AEBP2: variants seen among roughly 807,000 people sequenced by gnomAD.
AEBP2 encodes AE binding protein 2, also known as zinc finger protein AEBP2.
Under a neutral mutation model 50.8 loss-of-function variants are expected in AEBP2, and 10 were observed. The ratio of observed to expected loss-of-function variants is 0.20; its 90% confidence interval spans 0.12 to 0.33. The LOEUF (loss-of-function observed/expected upper bound fraction) is 0.33, where lower values mean the gene tolerates loss of function less well. Ranked by LOEUF, AEBP2 falls within the 10% of genes least tolerant of loss-of-function variation. AEBP2 has a pLI of 1.00. For synonymous variants in AEBP2, 296 were observed against 261.3 expected, an observed-to-expected ratio of 1.13 and a Z score of -1.28; for missense variants, 570 against 688.0, an observed-to-expected ratio of 0.83 and a Z score of 1.92.
At chr12:19,446,576 A>G (rs1292765050) in intron 1 of AEBP2, among the ~76,000 whole-genome samples, 1 of 152,010 alleles carries the variant, frequency 6.6e-6, no homozygotes, top group East Asian at 1.9e-4. Context: ...AAAAATACAG[A>G]AAAAAATTAG....
At chr12:19,515,858 G>A (rs980656076) in intron 7 of AEBP2, among the ~76,000 whole-genome samples, 1 of 152,088 alleles carries the variant, frequency 6.6e-6, no homozygotes, top group African/African-American at 2.4e-5. Flanking sequence ...ACAGCATTTT[G>A]GGAGGCTGAG....
upstream of AEBP2, among the ~76,000 whole-genome samples, chr12:19,437,041 T>C (rs1462166812): frequency 6.6e-6 from 1 of 152,166 alleles, no homozygotes; most frequent in Non-Finnish European, 1.5e-5. Flanking sequence ...CCCCACAAAG[T>C]AAGCCATGAA....
intron 5 of AEBP2, among the ~76,000 whole-genome samples, chr12:19,502,583 CAGTT>C (rs1254558705): frequency 6.6e-6 from 1 of 151,414 alleles, no homozygotes; most frequent in Admixed American, 6.6e-5. Context: ...TTTTGAAGAT[CAGTT>C]GGTTGTAGGT....
At position 19,520,012 on chromosome 12, in the gene AEBP2, G is replaced by T. The variant is rs1299630892; in HGVS notation, c.*1895G>T. 1 of 152,442 alleles carries T rather than the reference G, an allele frequency of 6.6e-6. No individual in the cohort carries two copies. The highest frequency in any genetic ancestry group is 1.5e-5 in the Non-Finnish European group (1 of 67,938). The allele number at this position is 152,442 out of a possible 1,614,324, so 9.4% of individuals were successfully genotyped here. On this transcript the variant is annotated 3_prime_UTR_variant, in exon 8 of 8. Coordinates refer to ENST00000266508, the MANE Select transcript of AEBP2 (RefSeq NM_153207.5). ...CTTTTGCTTAAGCACTTCATCAATT[G>T]CTTTATTCTGTATCTGCGAAGTAAT...
rs1471015248 is a variant in AEBP2, at chr12:19,501,792, A to AGTTT, written c.1299+1576_1299+1579dup. ...ATTTCCGTCGTCTCCTATAAAAATG[A>AGTTT]GTTTGTTTTTTTTTTTTTTTTTTTT... is the stretch of plus-strand genomic sequence containing the variant. On this transcript the variant is annotated intron_variant, in intron 5 of 7. Coordinates refer to ENST00000266508, the MANE Select transcript of AEBP2 (RefSeq NM_153207.5). 5.5e-3 allele frequency among the ~76,000 whole-genome samples: 327 copies of AGTTT among 59,502 alleles called. 11 individuals are homozygous for AGTTT. Among genetic ancestry groups the AGTTT allele is most frequent in the South Asian group, 0.017 (33 of 1,900 alleles). The allele number at this position is 59,502 out of a possible 152,430, so 39.0% of individuals were successfully genotyped here. A position where few individuals can be genotyped will look rare whatever the true frequency, so the allele number is the denominator to read the frequency against.
chr12:19,503,908 T>C (rs1349653301), intron 5 of AEBP2, among the ~76,000 whole-genome samples: 1 of 152,034 alleles, frequency 6.6e-6, no homozygotes, highest in Admixed American at 6.6e-5. Flanking sequence ...CATGGCTCAC[T>C]GTAGCCTCAA....
chr12:19,408,639 C>T (rs2095737617), intron 1 of AEBP2, among the ~76,000 whole-genome samples: 1 of 151,718 alleles, frequency 6.6e-6, no homozygotes, highest in African/African-American at 2.4e-5. Flanking sequence ...CGGTGACTCA[C>T]ACCTAAAATC....
intron 2 of AEBP2, among the ~76,000 whole-genome samples, chr12:19,468,154 G>GTGTGTGTGTGTGTGTGTGTA (rs1403922084): frequency 6.7e-6 from 1 of 149,552 alleles, no homozygotes; most frequent in East Asian, 2.0e-4. Context: ...GTGTGTGTGT[G>GTGTGTGTGTGTGTGTGTGTA]TGTATGTGTT....
At chr12:19,517,845 G>GTA (rs1949342465) in intron 7 of AEBP2, among the ~76,000 whole-genome samples, 1 of 152,176 alleles carries the variant, frequency 6.6e-6, no homozygotes, top group Non-Finnish European at 1.5e-5. Flanking sequence ...TAAAATATAT[G>GTA]TATTACACAT....
intron 1 of AEBP2, among the ~76,000 whole-genome samples, chr12:19,442,084 T>C (rs1329243935): frequency 6.6e-6 from 1 of 152,158 alleles, no homozygotes; most frequent in Non-Finnish European, 1.5e-5. Flanking sequence ...TCCCCTATTA[T>C]TTCCACTGAA....
intron 1 of AEBP2, among the ~76,000 whole-genome samples, chr12:19,421,969 C>T (rs538494467): frequency 6.6e-6 from 1 of 152,112 alleles, no homozygotes; most frequent in Admixed American, 6.6e-5. Flanking sequence ...TGGAGAAACC[C>T]CACCTCTATT....
At chr12:19,405,857 C>G (rs1038279113) in intron 1 of AEBP2, among the ~76,000 whole-genome samples, 2 of 151,912 alleles carry the variant, frequency 1.3e-5, no homozygotes, top group African/African-American at 4.8e-5. Flanking sequence ...GGCTGGAGTA[C>G]AGTGGGCCAT....
intron 5 of AEBP2, chr12:19,509,203 G>A (rs1298419623): frequency 2.6e-6 from 1 of 382,890 alleles, no homozygotes; most frequent in Non-Finnish European, 5.0e-6. Flanking sequence ...TTAAGGAGTA[G>A]AAAATTGGGG....
At chr12:19,437,044 G>A (rs1047201360), upstream of AEBP2, among the ~76,000 whole-genome samples, 9 of 152,080 alleles carry the variant, frequency 5.9e-5, no homozygotes, top group Non-Finnish European at 1.3e-4. Flanking sequence ...CACAAAGTAA[G>A]CCATGAAACG....
intron 1 of AEBP2, among the ~76,000 whole-genome samples, chr12:19,425,428 T>C (rs923018320): frequency 1.3e-5 from 2 of 152,088 alleles, no homozygotes; most frequent in Non-Finnish European, 2.9e-5. Flanking sequence ...CGGTGGCTCA[T>C]GCCTGTAATC....
rs183956636 is a variant in AEBP2 at position 19,510,508 on chromosome 12, C to T, written c.1300-1890C>T. 2.6e-3 allele frequency among the ~76,000 whole-genome samples: 394 copies of T among 152,158 alleles called. 1 individual carries two copies. The highest frequency in any genetic ancestry group is 9.2e-3 in the African/African-American group (382 of 41,512). Reference sequence around the variant, plus strand: ...TGAATTTTATTTGACTTAACTGAGACCTATAGTTGCCTAGGTTAATTGCCT... The same window carrying T: ...TGAATTTTATTTGACTTAACTGAGATCTATAGTTGCCTAGGTTAATTGCCT... On this transcript the variant is annotated intron_variant, in intron 5 of 7. Coordinates refer to ENST00000266508, the MANE Select transcript of AEBP2 (RefSeq NM_153207.5).
intron 1 of AEBP2, chr12:19,456,638 G>T: frequency 6.5e-7 from 1 of 1,528,280 alleles, no homozygotes; most frequent in Non-Finnish European, 9.1e-7. Context: ...CCATTGGTGG[G>T]TCATCTTTGC....
At chr12:19,457,196 G>T (rs1267252605) in intron 1 of AEBP2, 9 of 1,597,876 alleles carry the variant, frequency 5.6e-6, no homozygotes, top group Non-Finnish European at 5.9e-6. Context: ...ACAATTAGTT[G>T]TTTCACACCC....
At chr12:19,442,996 C>G (rs947109128) in intron 1 of AEBP2, among the ~76,000 whole-genome samples, 1 of 152,038 alleles carries the variant, frequency 6.6e-6, no homozygotes, top group African/African-American at 2.4e-5. Context: ...TACAAAGATT[C>G]TATTATAATG....
Sources: gnomAD v4.1 joint callset for allele counts (sites outside exome capture counted in the v4.1 genomes callset) on GRCh38, gnomAD v4.1.1 for gene constraint, MANE v1.5 for transcripts, NCBI Gene and HGNC (gene_info 2026-07-23, HGNC 2026-07-21) for gene names.